Variants in NELL1 observed in about 807,000 individuals in gnomAD.
NELL1 encodes the protein neural EGFL like 1.
NELL1 carries 76 observed loss-of-function variants against 107.4 expected under a neutral mutation model. The ratio of observed to expected loss-of-function variants is 0.71; its 90% CI spans 0.59 to 0.86. The LOEUF is 0.86. NELL1 is among the 40% of genes least tolerant of loss of function. The pLI is 0.00. For missense variants in NELL1, 1,024 were observed against 1,005.5 expected, an observed-to-expected ratio of 1.02 and a Z score of -0.25; for synonymous variants, 353 against 341.2, an observed-to-expected ratio of 1.03 and a Z score of -0.38.
At chr11:21,137,512 C>G (rs1360829779) in intron 13 of NELL1, among the ~76,000 whole-genome samples, 4 of 152,088 alleles carry the variant, frequency 2.6e-5, no homozygotes, top group Non-Finnish European at 5.9e-5. Flanking sequence ...TAAAAAGAGA[C>G]ATTTTGATAG....
At chr11:20,951,150 T>A (rs971523836) in intron 11 of NELL1, among the ~76,000 whole-genome samples, 1 of 152,218 alleles carries the variant, frequency 6.6e-6, no homozygotes, top group Non-Finnish European at 1.5e-5. Context: ...TTTTGCTCAC[T>A]GTCATTGTCA....
At chr11:20,960,233 G>A (rs1851262502) in intron 11 of NELL1, among the ~76,000 whole-genome samples, 199 bp from the exon 12 acceptor site, 1 of 152,114 alleles carries the variant, frequency 6.6e-6, no homozygotes, top group Admixed American at 6.5e-5. Context: ...AGTATGGGTG[G>A]GGGAAAGCCT....
At chr11:21,327,804 G>T (rs1454663490) in intron 14 of NELL1, among the ~76,000 whole-genome samples, 2 of 152,152 alleles carry the variant, frequency 1.3e-5, no homozygotes, top group Admixed American at 6.5e-5. Flanking sequence ...GGATGGAGAT[G>T]AGGAACTTGT....
At chr11:21,316,445 G>A (rs750959230) in intron 14 of NELL1, among the ~76,000 whole-genome samples, 5 of 152,260 alleles carry the variant, frequency 3.3e-5, no homozygotes, top group East Asian at 1.9e-4. Flanking sequence ...CACTGCTTAC[G>A]TGTTGGTATA....
intron 2 of NELL1, among the ~76,000 whole-genome samples, chr11:20,720,830 TAG>T (rs1396575021): frequency 6.6e-6 from 1 of 152,174 alleles, no homozygotes; most frequent in Admixed American, 6.5e-5. Flanking sequence ...AACCTCATTT[TAG>T]CTTCATTACC....
At chr11:20,909,746 A>G (rs1285653669) in intron 5 of NELL1, among the ~76,000 whole-genome samples, 18 of 152,076 alleles carry the variant, frequency 1.2e-4, no homozygotes, top group Non-Finnish European at 4.4e-5. Flanking sequence ...CTCTTTTTAC[A>G]GTTCCTTGAA....
intron 15 of NELL1, among the ~76,000 whole-genome samples, chr11:21,421,709 A>G (rs1852676333): frequency 6.6e-6 from 1 of 152,138 alleles, no homozygotes; most frequent in Non-Finnish European, 1.5e-5. Context: ...GAGAGAGAAA[A>G]AGGAGCAGAG....
chr11:21,299,202 A>G (rs1323319521), intron 14 of NELL1, among the ~76,000 whole-genome samples: 2 of 151,928 alleles, frequency 1.3e-5, no homozygotes, highest in Non-Finnish European at 2.9e-5. Context: ...TTATTAAGCT[A>G]TTTTCAGCTT....
chr11:20,759,884 C>G lies in NELL1; in HGVS notation c.185-23796C>G, dbSNP rs140462570. 1.1e-4 allele frequency among the ~76,000 whole-genome samples: 17 copies of G among 152,316 alleles called. No individual in the cohort carries two copies. The East Asian group carries it at 3.1e-3, about 28-fold the overall frequency. On this transcript the variant is annotated intron_variant, in intron 2 of 19. Coordinates refer to ENST00000357134, the MANE Select transcript of NELL1 (RefSeq NM_006157.5). Reference sequence around the variant, plus strand: ...CTCCAATTACACCACACTTTGTTTCCTGGACTCTATCCCTGCTTTGCCCAG... The same window carrying G: ...CTCCAATTACACCACACTTTGTTTCGTGGACTCTATCCCTGCTTTGCCCAG...
chr11:21,404,493 T>G (rs568581302), intron 15 of NELL1, among the ~76,000 whole-genome samples: 1 of 152,054 alleles, frequency 6.6e-6, no homozygotes, highest in East Asian at 2.0e-4. Flanking sequence ...GATTTTGATT[T>G]GGGTTCACCT....
At chr11:20,792,364 A>T (rs961713375) in intron 3 of NELL1, among the ~76,000 whole-genome samples, 5 of 152,026 alleles carry the variant, frequency 3.3e-5, no homozygotes, top group African/African-American at 1.2e-4. Flanking sequence ...TAATATATGA[A>T]CAAATCAAAG....
intron 2 of NELL1, among the ~76,000 whole-genome samples, chr11:20,772,066 C>A (rs925478014): frequency 6.6e-6 from 1 of 152,136 alleles, no homozygotes; most frequent in African/African-American, 2.4e-5. Context: ...ACTATTGAAT[C>A]TGAGTAGATG....
At chr11:21,378,919 T>A (rs1851547174) in intron 15 of NELL1, among the ~76,000 whole-genome samples, 1 of 151,916 alleles carries the variant, frequency 6.6e-6, no homozygotes, top group Non-Finnish European at 1.5e-5. Context: ...GGTTTTGCCA[T>A]GTTGGTCAGG....
At chr11:21,548,485 G>A (rs942510198) in intron 16 of NELL1, among the ~76,000 whole-genome samples, 1 of 151,834 alleles carries the variant, frequency 6.6e-6, no homozygotes, top group Admixed American at 6.6e-5. Flanking sequence ...TTCTCAATAG[G>A]TGAGAGAGAG....
At chr11:21,070,187 C>G (rs180682448) in intron 12 of NELL1, among the ~76,000 whole-genome samples, 2 of 151,838 alleles carry the variant, frequency 1.3e-5, no homozygotes, top group South Asian at 2.1e-4. Flanking sequence ...CAATGTGGAG[C>G]CTTGTACTAA....
intron 9 of NELL1, among the ~76,000 whole-genome samples, chr11:20,929,969 CAAAAAAAAAAAAGAA>C (rs372208711): frequency 3.2e-5 from 3 of 93,844 alleles, no homozygotes; most frequent in African/African-American, 1.3e-4. Context: ...GAGTCTGTCT[CAAAAAAAAAAAAGAA>C]AAAAAAAAAA....
chr11:21,185,983 A>G (rs1256021975), intron 13 of NELL1, among the ~76,000 whole-genome samples: 1 of 151,782 alleles, frequency 6.6e-6, no homozygotes, highest in Non-Finnish European at 1.5e-5. Context: ...GACTGAAACC[A>G]AGGAGGCTCC....
At chr11:20,886,584 T>C (rs1849513515) in intron 5 of NELL1, among the ~76,000 whole-genome samples, 2 of 152,200 alleles carry the variant, frequency 1.3e-5, no homozygotes, top group South Asian at 4.1e-4. Flanking sequence ...TTAGGTTCCT[T>C]CTTTTTTATT....
At chr11:21,484,620 C>A (rs1254080377) in intron 15 of NELL1, among the ~76,000 whole-genome samples, 1 of 151,100 alleles carries the variant, frequency 6.6e-6, no homozygotes, top group Non-Finnish European at 1.5e-5. Context: ...GCATACATAT[C>A]CATATATACA....
Sources: gnomAD v4.1 joint callset for allele counts (sites outside exome capture counted in the v4.1 genomes callset) on GRCh38, gnomAD v4.1.1 for gene constraint, MANE v1.5 for transcripts, NCBI Gene and HGNC (gene_info 2026-07-23, HGNC 2026-07-21) for gene names.